Variants in ASIC2 observed in about 807,000 individuals in gnomAD.
ASIC2 encodes acid-sensing ion channel 2.
In ASIC2, 25 loss-of-function variants were observed where a neutral mutation model predicts 57.3. The ratio of observed to expected loss-of-function variants is 0.44; its 90% CI spans 0.32 to 0.61. The LOEUF is 0.61. ASIC2 is among the 20% of genes least tolerant of loss of function. ASIC2 has a pLI of 0.06. For missense variants in ASIC2, 641 were observed against 738.1 expected, an observed-to-expected ratio of 0.87 and a Z score of 1.52; for synonymous variants, 319 against 307.5, an observed-to-expected ratio of 1.04 and a Z score of -0.39.
At chr17:33,720,740 A>G (rs909130397) in intron 1 of ASIC2, among the ~76,000 whole-genome samples, 1 of 152,198 alleles carries the variant, frequency 6.6e-6, no homozygotes, top group Non-Finnish European at 1.5e-5. Flanking sequence ...TCCAACACAG[A>G]CCAACACAGA....
chr17:34,009,259 A>T (rs1597971977), intron 1 of ASIC2, among the ~76,000 whole-genome samples: 1 of 152,150 alleles, frequency 6.6e-6, no homozygotes, highest in Admixed American at 6.5e-5. Context: ...GCTCAGCATC[A>T]TCTAAAAGAA....
intron 1 of ASIC2, among the ~76,000 whole-genome samples, chr17:33,674,769 G>C (rs966822349): frequency 1.3e-5 from 2 of 152,208 alleles, no homozygotes; most frequent in African/African-American, 2.4e-5. Flanking sequence ...GCCTGAAAAA[G>C]AAGCAATGTT....
chr17:33,218,314 T>C (rs939448600), intron 1 of ASIC2, among the ~76,000 whole-genome samples: 3 of 152,136 alleles, frequency 2.0e-5, no homozygotes, highest in Admixed American at 1.3e-4. Flanking sequence ...GTGCAGAGAA[T>C]TGGGCTCGAC....
chr17:33,923,309 C>T (rs1036546189), intron 1 of ASIC2, among the ~76,000 whole-genome samples: 1 of 152,164 alleles, frequency 6.6e-6, no homozygotes, highest in Non-Finnish European at 1.5e-5. Flanking sequence ...AAATATTTGC[C>T]GTTCTCAAGG....
intron 1 of ASIC2, among the ~76,000 whole-genome samples, chr17:33,767,570 T>C (rs1910969602): frequency 6.6e-6 from 1 of 151,006 alleles, no homozygotes; most frequent in South Asian, 2.1e-4. Context: ...TGTATGAATA[T>C]ATAAGAAAGT....
chr17:33,211,532 A>G (rs906697208), intron 1 of ASIC2, among the ~76,000 whole-genome samples: 4 of 137,018 alleles, frequency 2.9e-5, no homozygotes, highest in Non-Finnish European at 6.0e-5. Flanking sequence ...ACATCTCTTT[A>G]AATGAAAAAA....
chr17:33,699,795 T>C (rs55667624), intron 1 of ASIC2, among the ~76,000 whole-genome samples: 310 of 152,330 alleles, frequency 2.0e-3, no homozygotes, highest in Non-Finnish European at 3.3e-3. Context: ...TTAGCATACA[T>C]TTATTGTTTC....
chr17:34,076,012 T>A lies in ASIC2; in HGVS notation c.555+79966A>T, dbSNP rs111471629. 1.2e-3 allele frequency among the ~76,000 whole-genome samples: 185 copies of A among 148,154 alleles called. 1 individual carries two copies. Among genetic ancestry groups the A allele is most frequent in the African/African-American group, 4.5e-3 (182 of 40,306 alleles). The stretch of plus-strand genomic sequence containing the variant: ...CCTGGCTATTATTTTTTATTTTTAT[T>A]TTTTTTTTGAGACAGAGTCTCACTT... On this transcript the variant is annotated intron_variant, in intron 1 of 9. Transcript: ENST00000359872.
At chr17:33,922,120 G>T (rs560301288) in intron 1 of ASIC2, among the ~76,000 whole-genome samples, 45 of 152,272 alleles carry the variant, frequency 3.0e-4, no homozygotes, top group Middle Eastern at 3.4e-3. Context: ...ATGTGACAGA[G>T]CAAAGTGTTA....
chr17:33,510,102 T>C (rs1332934908), intron 1 of ASIC2, among the ~76,000 whole-genome samples: 1 of 152,188 alleles, frequency 6.6e-6, no homozygotes, highest in Non-Finnish European at 1.5e-5. Context: ...GGACTTTGCC[T>C]GTAACTCACT....
At chr17:33,547,613 T>G (rs1342651742) in intron 1 of ASIC2, among the ~76,000 whole-genome samples, 4 of 152,184 alleles carry the variant, frequency 2.6e-5, no homozygotes, top group African/African-American at 9.7e-5. Context: ...CGCCCCATCC[T>G]GCAGAAGCCT....
At chr17:33,502,439 A>G (rs1914128041) in intron 1 of ASIC2, among the ~76,000 whole-genome samples, 1 of 152,156 alleles carries the variant, frequency 6.6e-6, no homozygotes, top group African/African-American at 2.4e-5. Flanking sequence ...TTATACCCGC[A>G]TTTGGGGCAT....
At chr17:33,075,275 C>A (rs569046700) in intron 3 of ASIC2, among the ~76,000 whole-genome samples, 2 of 152,276 alleles carry the variant, frequency 1.3e-5, no homozygotes, top group African/African-American at 4.8e-5. Context: ...ATGCCTTTTA[C>A]CTTCTGTCAT....
At chr17:33,472,033 T>A (rs1010227807) in intron 1 of ASIC2, among the ~76,000 whole-genome samples, 58 of 151,820 alleles carry the variant, frequency 3.8e-4, no homozygotes, top group African/African-American at 1.4e-3. Context: ...TTTTTTTTTT[T>A]TTTGATACGG....
intron 1 of ASIC2, among the ~76,000 whole-genome samples, chr17:33,502,312 T>G (rs936543213): frequency 6.6e-6 from 1 of 152,168 alleles, no homozygotes; most frequent in African/African-American, 2.4e-5. Context: ...TAGGGAGATG[T>G]TCCTGCTGTG....
intron 1 of ASIC2, among the ~76,000 whole-genome samples, chr17:33,837,518 A>G (rs1312167236): frequency 1.3e-5 from 2 of 152,196 alleles, no homozygotes; most frequent in East Asian, 3.9e-4. Context: ...CTTATCCCAT[A>G]AATGTTCTCC....
intron 1 of ASIC2, among the ~76,000 whole-genome samples, chr17:33,374,000 ATTTACTTATTTTGAGATGGAG>A (rs1909183518): frequency 6.7e-6 from 1 of 149,886 alleles, no homozygotes; most frequent in African/African-American, 2.5e-5. Context: ...TTATTTATTT[ATTTACTTATTTTGAGATGGAG>A]TTTCACTCTT....
chr17:33,058,036 C>A (rs1196076431), intron 3 of ASIC2, among the ~76,000 whole-genome samples: 1 of 151,634 alleles, frequency 6.6e-6, no homozygotes, highest in African/African-American at 2.4e-5. Flanking sequence ...TTTCAGGGAA[C>A]TACATATTAA....
At chr17:33,528,611 G>A (rs1423801433) in intron 1 of ASIC2, among the ~76,000 whole-genome samples, 2 of 152,094 alleles carry the variant, frequency 1.3e-5, no homozygotes, top group African/African-American at 4.8e-5. Context: ...GGGTAAAGGT[G>A]GCCTTTAGAA....
Sources: allele counts gnomAD v4.1 joint callset (sites outside exome capture counted in the v4.1 genomes callset), GRCh38; gene constraint gnomAD v4.1.1; transcripts MANE v1.5; gene names NCBI Gene and HGNC (gene_info 2026-07-23, HGNC 2026-07-21).